Variants in CERS6 observed in about 807,000 individuals in gnomAD.
The protein encoded by CERS6 is LAG1 homolog, ceramide synthase 6.
In CERS6, 26 loss-of-function variants were observed where a neutral mutation model predicts 56.8. The observed-to-expected ratio is 0.46, with a 90% CI of 0.34 to 0.63. The LOEUF (loss-of-function observed/expected upper bound fraction) is 0.63. Ranked by LOEUF, CERS6 falls within the 30% of genes least tolerant of loss-of-function variation. CERS6 has a pLI of 0.01. For synonymous variants in CERS6, 164 were observed against 173.3 expected (o/e 0.95, Z 0.42); for missense variants, 415 against 467.5 (o/e 0.89, Z 1.04).
At chr2:168,526,464 T>G (rs949611413) in intron 1 of CERS6, among the ~76,000 whole-genome samples, 5 of 152,218 alleles carry the variant, frequency 3.3e-5, no homozygotes, top group Non-Finnish European at 7.3e-5. Context: ...TGATATGTTA[T>G]TTTTCTCATA....
intron 2 of CERS6, among the ~76,000 whole-genome samples, chr2:168,549,966 A>C (rs1695537178): frequency 6.6e-6 from 1 of 152,064 alleles, no homozygotes; most frequent in Non-Finnish European, 1.5e-5. Flanking sequence ...CTTTTTGTAG[A>C]AGGGCATGAT....
intron 8 of CERS6, among the ~76,000 whole-genome samples, chr2:168,746,817 A>ATATG (rs1559078569): frequency 1.9e-5 from 2 of 107,112 alleles, no homozygotes; most frequent in East Asian, 5.4e-4. Context: ...ATATATATAT[A>ATATG]TATAAAATCA....
At chr2:168,713,417 G>C (rs1279524250) in intron 6 of CERS6, among the ~76,000 whole-genome samples, 3 of 152,078 alleles carry the variant, frequency 2.0e-5, no homozygotes, top group Admixed American at 2.0e-4. Flanking sequence ...GTCAGTCTTG[G>C]CATTTAAGTC....
chr2:168,551,057 A>G (rs990084141), intron 2 of CERS6, among the ~76,000 whole-genome samples: 1 of 152,234 alleles, frequency 6.6e-6, no homozygotes, highest in Non-Finnish European at 1.5e-5. Context: ...ATTGGACTTC[A>G]TTATAATAAG....
intron 1 of CERS6, among the ~76,000 whole-genome samples, chr2:168,490,411 C>T: frequency 6.6e-6 from 1 of 152,094 alleles, no homozygotes; most frequent in South Asian, 2.1e-4. Context: ...TGACTGGGTC[C>T]TGCTCCAGGA....
intron 8 of CERS6, among the ~76,000 whole-genome samples, chr2:168,718,561 C>A (rs1461876578): frequency 6.6e-6 from 1 of 152,184 alleles, no homozygotes; most frequent in Non-Finnish European, 1.5e-5. Flanking sequence ...ACCTTTCTAA[C>A]CAAATAGAGT....
chr2:168,699,386 T>C (rs1176001713), intron 6 of CERS6, among the ~76,000 whole-genome samples: 1 of 152,190 alleles, frequency 6.6e-6, no homozygotes, highest in African/African-American at 2.4e-5. Context: ...GTTATCACAG[T>C]GTTTCTTTGG....
intron 2 of CERS6, among the ~76,000 whole-genome samples, chr2:168,559,147 A>G (rs1240589079): frequency 1.3e-5 from 2 of 151,914 alleles, no homozygotes; most frequent in Non-Finnish European, 2.9e-5. Flanking sequence ...TCCTTCCCGT[A>G]TTTTTGATTA....
chr2:168,586,940 G>A (rs1683557985), intron 3 of CERS6, among the ~76,000 whole-genome samples: 1 of 152,190 alleles, frequency 6.6e-6, no homozygotes, highest in Non-Finnish European at 1.5e-5. Context: ...GGATGCTGAG[G>A]TGGGCGGATT....
rs539543085 is a variant in CERS6, at chr2:168,757,876, C to T, written c.846-7716C>T. ...TATTGTGGAGAATGTAAGCTACAGCCGGGGTGCAGTCTTGTTAAAAGGAAG... is the reference window on the plus strand; with the variant it reads ...TATTGTGGAGAATGTAAGCTACAGCTGGGGTGCAGTCTTGTTAAAAGGAAG... On this transcript the variant is annotated intron_variant, in intron 8 of 9. Transcript: ENST00000305747. Among the ~76,000 whole-genome samples, 5 of 152,258 alleles carry T rather than the reference C, an allele frequency of 3.3e-5. No individual in the cohort carries two copies. In the South Asian group the frequency reaches 8.3e-4, roughly 25 times the overall value.
chr2:168,530,069 CAG>C (rs1348922002), intron 1 of CERS6, among the ~76,000 whole-genome samples: 1 of 152,230 alleles, frequency 6.6e-6, no homozygotes, highest in Non-Finnish European at 1.5e-5. Context: ...GGCCCCCACA[CAG>C]AGTGAGCTGC....
intron 3 of CERS6, among the ~76,000 whole-genome samples, chr2:168,626,530 C>G (rs940643029): frequency 4.6e-5 from 7 of 152,156 alleles, no homozygotes; most frequent in Admixed American, 3.9e-4. Context: ...AAACCAGATT[C>G]AGTGGGTGGT....
Position 168,630,977 on chromosome 2 carries a change from T to G in CERS6, c.408-8T>G, listed in dbSNP as rs755637843. 6.2e-6 allele frequency: 9 copies of G among 1,449,462 alleles called. No individual in the cohort carries two copies. Among genetic ancestry groups the G allele is most frequent in the Non-Finnish European group, 8.6e-6 (9 of 1,052,128 alleles). The allele number at this position is 1,449,462 out of a possible 1,614,324, so 89.8% of individuals were successfully genotyped here. A position where few individuals can be genotyped will look rare whatever the true frequency, so the allele number is the denominator to read the frequency against. ...GAATGTCACAGATTTTTTTTTAACC[T>G]TCTACAGGTGGAGATTTTCATTTTA... On this transcript the variant is annotated splice_region_variant and splice_polypyrimidine_tract_variant and intron_variant, in intron 3 of 9. Transcript: ENST00000305747.
chr2:168,631,499 TA>T (rs1367824042), intron 4 of CERS6, among the ~76,000 whole-genome samples: 2 of 65,336 alleles, frequency 3.1e-5, no homozygotes, highest in Admixed American at 2.2e-4. Context: ...AACTATATAT[TA>T]ATATAATATA....
chr2:168,686,451 C>CAAAA (rs370352582), intron 4 of CERS6, among the ~76,000 whole-genome samples: 39 of 139,806 alleles, frequency 2.8e-4, no homozygotes, highest in African/African-American at 7.4e-4. Flanking sequence ...TTAACCAAGG[C>CAAAA]AAAAAAAAAA....
In CERS6 at chr2:168,456,653, T is replaced by G; in HGVS notation, c.170+35T>G. The G allele has an allele frequency of 1.4e-6, 2 of 1,476,264 alleles. 1 individual carries two copies. The allele number at this position is 1,476,264 out of a possible 1,614,324, so 91.4% of individuals were successfully genotyped here. ...GCTGAAGCCCCTCCTCCCCTCCCCCTGCGCACACACACGCGCGCACACACT... is the reference window on the plus strand; with the variant it reads ...GCTGAAGCCCCTCCTCCCCTCCCCCGGCGCACACACACGCGCGCACACACT... On this transcript the variant is annotated intron_variant, in intron 1 of 9. Transcript: ENST00000305747. This position sits in a 1 kb window ranked among gnomAD's most constrained non-coding sequence, Gnocchi z 4.1.
chr2:168,608,797 G>A (rs984739143), intron 3 of CERS6, among the ~76,000 whole-genome samples: 1 of 152,068 alleles, frequency 6.6e-6, no homozygotes, highest in Non-Finnish European at 1.5e-5. Context: ...TTTTCCCCTA[G>A]TCTATGGCTT....
intron 1 of CERS6, among the ~76,000 whole-genome samples, chr2:168,525,758 ATC>A (rs1473328788): frequency 6.6e-6 from 1 of 152,234 alleles, no homozygotes; most frequent in African/African-American, 2.4e-5. Flanking sequence ...TCTTACAATT[ATC>A]ACACCATCAT....
intron 1 of CERS6, among the ~76,000 whole-genome samples, chr2:168,541,435 G>T (rs181913025): frequency 3.3e-3 from 499 of 151,008 alleles, no homozygotes; most frequent in South Asian, 5.9e-3. Flanking sequence ...TTGAACAATT[G>T]TTCTACAAGT....
Sources: gnomAD v4.1 joint callset for allele counts (sites outside exome capture counted in the v4.1 genomes callset) on GRCh38, gnomAD v4.1.1 for gene constraint, Gnocchi (gnomAD v3.1) non-coding constraint, MANE v1.5 for transcripts, NCBI Gene and HGNC (gene_info 2026-07-23, HGNC 2026-07-21) for gene names.